Variants in DNAH8 observed in about 807,000 individuals in gnomAD.
DNAH8 encodes axonemal beta dynein heavy chain 8.
DNAH8 carries 382 observed loss-of-function variants against 562.1 expected under a neutral mutation model. The observed-to-expected ratio is 0.68, with a 90% CI of 0.63 to 0.74. The LOEUF (loss-of-function observed/expected upper bound fraction) is 0.74. Ranked by LOEUF, DNAH8 falls within the 30% of genes least tolerant of loss-of-function variation. The probability of loss-of-function intolerance (pLI) is 0.00; values close to 1 mark genes in which losing one functional copy is unlikely to be tolerated. For synonymous variants in DNAH8, 1,881 were observed against 1,919.4 expected, an observed-to-expected ratio of 0.98 and a Z score of 0.52; for missense variants, 5,203 against 5,620.4, an observed-to-expected ratio of 0.93 and a Z score of 2.37.
Position 38,857,694 on chromosome 6 carries a change from G to T in DNAH8, c.5910G>T (p.Glu1970Asp), listed in dbSNP as rs915013682. Residue 1970 changes from glutamate (E) to aspartate (D), a missense_variant, in exon 42 of 93, where the codon GAG becomes GAT. By Grantham distance (45) the Glu-to-Asp change is conservative. This residue lies in a region of DNAH8 where 2,176 missense variants were observed against 2,365.1 expected (regional missense o/e 0.92). Coordinates refer to ENST00000327475, the MANE Select transcript of DNAH8 (RefSeq NM_001206927.2). ...DLSKFDRVKFETLITIHVHQR... is the reference protein window; with the variant it reads ...DLSKFDRVKFDTLITIHVHQR... ...GCAAGTTTGATAGAGTGAAGTTCGA[G>T]ACTCTAATTACCATCCATGTGCATC... 1 of 1,613,658 alleles carries T rather than the reference G, an allele frequency of 6.2e-7. No homozygotes were observed. The highest frequency in any genetic ancestry group is 8.5e-7 in the Non-Finnish European group (1 of 1,179,700).
chr6:38,778,333 C>A, intron 13 of DNAH8, 55 bp from the exon 14 acceptor site: 2 of 993,338 alleles, frequency 2.0e-6, no homozygotes, highest in Non-Finnish European at 1.5e-6. Context: ...TGTTGTTAAA[C>A]AAAACCAATC....
intron 82 of DNAH8, among the ~76,000 whole-genome samples, chr6:38,962,082 A>T (rs1186225557): frequency 6.6e-6 from 1 of 152,058 alleles, no homozygotes; most frequent in Non-Finnish European, 1.5e-5. Context: ...AAAACTGAGA[A>T]ATAATTTTTA....
Position 38,770,459 on chromosome 6 carries a change from C to T in DNAH8, c.1664C>T (p.Thr555Ile), listed in dbSNP as rs772883655. ...FKEYQASFHK[T>I]RKLISESSGE... is the part of the protein sequence containing the mutation. ...GAATATCAGGCATCTTTTCATAAAA[C>T]AAGGAAACTGATTTCAGAATCCTCA... Residue 555 changes from threonine (T) to isoleucine (I), a missense_variant, in exon 12 of 93, where the codon ACA becomes ATA. Physicochemically the swap from Thr to Ile is moderately conservative, Grantham distance 89. Around this residue, in one of 6 missense-constraint regions of DNAH8, gnomAD observed 2,176 missense variants for 2,365.1 expected, o/e 0.92. Coordinates refer to ENST00000327475, the MANE Select transcript of DNAH8 (RefSeq NM_001206927.2). 14 of 1,605,574 alleles carry T rather than the reference C, an allele frequency of 8.7e-6. No individual in the cohort carries two copies. The South Asian group carries it at 1.6e-4, about 18-fold the overall frequency.
At chr6:38,927,125 G>T (rs535716575) in intron 74 of DNAH8, among the ~76,000 whole-genome samples, 1 of 152,282 alleles carries the variant, frequency 6.6e-6, no homozygotes, top group African/African-American at 2.4e-5. Context: ...TAATCAAAGT[G>T]TGTCATCATT....
chr6:38,782,272 T>C (rs1009667311), intron 16 of DNAH8, among the ~76,000 whole-genome samples: 3 of 100,218 alleles, frequency 3.0e-5, no homozygotes, highest in African/African-American at 1.3e-4. Flanking sequence ...TTATTTATTT[T>C]TTAAATATTT....
intron 57 of DNAH8, among the ~76,000 whole-genome samples, chr6:38,889,802 C>T (rs781763315): frequency 6.6e-6 from 1 of 152,106 alleles, no homozygotes; most frequent in Non-Finnish European, 1.5e-5. Context: ...TCATGTTTCC[C>T]CAGGGCAATT....
intron 11 of DNAH8, among the ~76,000 whole-genome samples, chr6:38,766,139 A>ATGTGTGTGTGTGTGTGTGTGTG (rs145206381): frequency 1.1e-4 from 17 of 150,892 alleles, no homozygotes; most frequent in African/African-American, 3.6e-4. Context: ...ATGTGTTTGT[A>ATGTGTGTGTGTGTGTGTGTGTG]TGTGTGTGTG....
intron 10 of DNAH8, among the ~76,000 whole-genome samples, chr6:38,757,108 A>G (rs2127601941): frequency 1.3e-5 from 2 of 152,262 alleles, no homozygotes; most frequent in South Asian, 4.1e-4. Flanking sequence ...TGACTTCCAC[A>G]ATGGTTGAAC....
chr6:38,732,531 T>C (rs932787797), intron 4 of DNAH8, among the ~76,000 whole-genome samples: 1 of 152,098 alleles, frequency 6.6e-6, no homozygotes, highest in African/African-American at 2.4e-5. Context: ...CTTATATGAG[T>C]GGAAAGCAGT....
chr6:38,733,737 C>T (rs901209988), intron 4 of DNAH8, among the ~76,000 whole-genome samples: 2 of 151,668 alleles, frequency 1.3e-5, no homozygotes, highest in African/African-American at 4.8e-5. Flanking sequence ...ATGGTAAAAC[C>T]CTGTCTCTAC....
intron 85 of DNAH8, among the ~76,000 whole-genome samples, chr6:38,979,179 T>G (rs1366175887): frequency 1.3e-5 from 2 of 152,236 alleles, no homozygotes; most frequent in African/African-American, 4.8e-5. Context: ...CAGCTTCAGT[T>G]TTATTCTTCC....
At chr6:38,876,129 G>T (rs868707023) in intron 53 of DNAH8, among the ~76,000 whole-genome samples, 49 of 152,336 alleles carry the variant, frequency 3.2e-4, no homozygotes, top group African/African-American at 1.1e-3. Flanking sequence ...AAAGGTAGCA[G>T]CGTGGAGAAC....
At chr6:38,939,078 G>A in intron 79 of DNAH8, 90 bp downstream of exon 79, 1 of 982,214 alleles carries the variant, frequency 1.0e-6, no homozygotes, top group Non-Finnish European at 1.5e-6. Flanking sequence ...CTGTGATACA[G>A]TAGGGAAATG....
At chr6:38,737,768 A>G (rs772838378) in intron 6 of DNAH8, 41 bp from the exon 7 acceptor site, 76 of 853,082 alleles carry the variant, frequency 8.9e-5, no homozygotes, top group Non-Finnish European at 1.1e-4. Flanking sequence ...AAAATATTTA[A>G]TATATAAATT....
At chr6:38,843,150 C>T (rs1385420609) in intron 35 of DNAH8, among the ~76,000 whole-genome samples, 1 of 151,706 alleles carries the variant, frequency 6.6e-6, no homozygotes, top group Non-Finnish European at 1.5e-5. Flanking sequence ...AATACATCTT[C>T]CTTGTCCCCA....
chr6:38,851,679 A>G lies in DNAH8; in HGVS notation c.5466+5A>G, dbSNP rs1775759927. ...AGTGATTCCCACACCATACAGGTAT[A>G]ATCTAAGAATCTGTGATCTAACTTG... On this transcript the variant is annotated splice_donor_5th_base_variant and intron_variant, in intron 39 of 92. Coordinates refer to ENST00000327475, the MANE Select transcript of DNAH8 (RefSeq NM_001206927.2). The G allele has an allele frequency of 1.3e-6, 2 of 1,558,712 alleles. No individual in the cohort carries two copies. The highest frequency in any genetic ancestry group is 4.5e-5 in the East Asian group (2 of 44,590).
intron 40 of DNAH8, 89 bp downstream of exon 40, chr6:38,852,887 G>T (rs1489513010): frequency 1.0e-6 from 1 of 984,832 alleles, no homozygotes; most frequent in Non-Finnish European, 1.5e-6. Flanking sequence ...AAAAAAACAG[G>T]AGGAGAGGGA....
intron 88 of DNAH8, among the ~76,000 whole-genome samples, chr6:39,002,907 A>T (rs1207443585): frequency 2.6e-5 from 4 of 152,186 alleles, no homozygotes; most frequent in African/African-American, 9.7e-5. Flanking sequence ...CACCTTATGC[A>T]TTTATCATGG....
At chr6:38,744,629 G>A (rs952222856) in intron 8 of DNAH8, among the ~76,000 whole-genome samples, 6 of 151,674 alleles carry the variant, frequency 4.0e-5, no homozygotes, top group Admixed American at 6.6e-5. Context: ...GCTTCTCTTC[G>A]TCACTTAGGC....
Sources: allele counts gnomAD v4.1 joint callset (sites outside exome capture counted in the v4.1 genomes callset), GRCh38; gene constraint gnomAD v4.1.1; regional missense constraint gnomAD v4.1.1; transcripts MANE v1.5; gene names NCBI Gene and HGNC (gene_info 2026-07-23, HGNC 2026-07-21).